Variants in TNS3 observed in about 807,000 individuals in gnomAD.
TNS3 encodes the protein tensin 3, also known as tensin-3.
In TNS3, 45 loss-of-function variants were observed where a neutral mutation model predicts 140.9. That is an observed-to-expected ratio of 0.32 (90% confidence interval 0.25 to 0.41). The LOEUF (loss-of-function observed/expected upper bound fraction) is 0.41, where lower values mean the gene tolerates loss of function less well. Ranked by LOEUF, TNS3 falls within the 10% of genes least tolerant of loss-of-function variation. TNS3 has a pLI of 1.00. For synonymous variants in TNS3, 815 were observed against 788.4 expected, an observed-to-expected ratio of 1.03 and a Z score of -0.56; for missense variants, 1,716 against 1,906.7, an observed-to-expected ratio of 0.90 and a Z score of 1.86.
rs1375554684 is a variant in TNS3, at chr7:47,361,218, A to AAAAAC, written c.2281+7146_2281+7147insGTTTT. ...ACAGTAACCATGCCAAAAAAAAAAA[A>AAAAAC]AAAAAACAAGCAAGGGCCCAGCCCA... On this transcript the variant is annotated intron_variant, in intron 17 of 30. Transcript: ENST00000311160. 1.7e-4 allele frequency among the ~76,000 whole-genome samples: 25 copies of AAAAAC among 147,820 alleles called. 2 individuals are homozygous for AAAAAC. In the South Asian group the frequency reaches 2.2e-3, roughly 13 times the overall value.
At chr7:47,494,388 A>G (rs1797923445) in intron 3 of TNS3, among the ~76,000 whole-genome samples, 1 of 152,248 alleles carries the variant, frequency 6.6e-6, no homozygotes, top group African/African-American at 2.4e-5. Context: ...TTTTAGAAGT[A>G]AAGAAACCTC....
intron 17 of TNS3, among the ~76,000 whole-genome samples, chr7:47,348,262 T>C (rs904600832): frequency 1.3e-5 from 2 of 152,218 alleles, no homozygotes; most frequent in African/African-American, 4.8e-5. Flanking sequence ...GGAAGTGTCA[T>C]GGCCACAGAC....
chr7:47,368,846 C>G lies in TNS3; in HGVS notation c.1800G>C (p.Gln600His), dbSNP rs2293362. The change falls in exon 17 of 31, where the codon CAG (glutamine) becomes CAC (histidine). Residue 600 changes from glutamine to histidine, a missense_variant. Physicochemically the swap from Gln to His is conservative, Grantham distance 24. Transcript: ENST00000311160. ...VRQQQMVVAH[Q>H]YSFAPDGEAR... is the part of the protein sequence containing the mutation. The stretch of plus-strand genomic sequence containing the variant: ...CCTCCCCATCTGGGGCGAAGCTATA[C>G]TGGTGAGCTACAACCATCTGCTGCT... The G allele has an allele frequency of 0.035, 56,549 of 1,613,546 alleles. 1,881 individuals carry two copies. Among genetic ancestry groups the G allele is most frequent in the East Asian group, 0.19 (8,566 of 44,858 alleles).
chr7:47,496,075 G>C (rs576984558), intron 3 of TNS3, among the ~76,000 whole-genome samples: 1 of 152,296 alleles, frequency 6.6e-6, no homozygotes, highest in African/African-American at 2.4e-5. Context: ...CAGAGGTGAA[G>C]AGGCCCTGGA....
intron 20 of TNS3, among the ~76,000 whole-genome samples, chr7:47,340,276 C>A (rs1357633661): frequency 6.6e-6 from 1 of 150,788 alleles, no homozygotes; most frequent in Non-Finnish European, 1.5e-5. Flanking sequence ...GCACGCACTG[C>A]CACGCCCAAC....
chr7:47,484,560 CG>C (rs1797542235), intron 3 of TNS3, among the ~76,000 whole-genome samples: 1 of 152,312 alleles, frequency 6.6e-6, no homozygotes, highest in East Asian at 1.9e-4. Context: ...GACTGTGCGA[CG>C]GTGCTATCAG....
At chr7:47,492,607 T>C (rs1797856209) in intron 3 of TNS3, among the ~76,000 whole-genome samples, 1 of 152,228 alleles carries the variant, frequency 6.6e-6, no homozygotes, top group Non-Finnish European at 1.5e-5. Context: ...ACAAATAAGA[T>C]GTGCTTTTAT....
intron 13 of TNS3, among the ~76,000 whole-genome samples, chr7:47,404,846 T>G (rs779249609): frequency 6.6e-6 from 1 of 152,030 alleles, no homozygotes; most frequent in Non-Finnish European, 1.5e-5. Context: ...ATTGCACCAC[T>G]GTACTCCAGC....
chr7:47,467,369 T>C (rs1333692885), intron 4 of TNS3, among the ~76,000 whole-genome samples: 2 of 152,262 alleles, frequency 1.3e-5, no homozygotes, highest in Admixed American at 6.5e-5. Context: ...TTCTCTACGA[T>C]TGAGTCTCCA....
chr7:47,526,063 C>T (rs544924132), intron 2 of TNS3, among the ~76,000 whole-genome samples: 18 of 152,354 alleles, frequency 1.2e-4, no homozygotes, highest in East Asian at 7.7e-4. Context: ...GACGTGCTTG[C>T]GCGTTTCACA....
At position 47,297,063 on chromosome 7, in the gene TNS3, T is replaced by A; in HGVS notation, c.3676+19A>T. Reference sequence around the variant, plus strand: ...TCTGTGGATGAGCTGAACAGATCAATAGGGAGCAGTAACCTTACCTTTCTT... The same window carrying A: ...TCTGTGGATGAGCTGAACAGATCAAAAGGGAGCAGTAACCTTACCTTTCTT... On this transcript the variant is annotated intron_variant, in intron 24 of 30. Transcript: ENST00000311160. 1 of 1,614,066 alleles carries A rather than the reference T, an allele frequency of 6.2e-7. No individual in the cohort carries two copies. Among genetic ancestry groups the A allele is most frequent in the Non-Finnish European group, 8.5e-7 (1 of 1,180,016 alleles).
chr7:47,318,868 T>C (rs1787564393), intron 20 of TNS3, among the ~76,000 whole-genome samples: 1 of 152,206 alleles, frequency 6.6e-6, no homozygotes, highest in African/African-American at 2.4e-5. Flanking sequence ...TGGTTCCAAG[T>C]CTTTAGTCCG....
intron 1 of TNS3, among the ~76,000 whole-genome samples, chr7:47,560,418 A>C (rs1312824520): frequency 1.3e-5 from 2 of 152,164 alleles, no homozygotes; most frequent in Admixed American, 1.3e-4. Context: ...CTAAGGTATC[A>C]GGTTGTAGCA....
chr7:47,376,200 C>G (rs990472831), intron 16 of TNS3, among the ~76,000 whole-genome samples: 2 of 152,122 alleles, frequency 1.3e-5, no homozygotes, highest in African/African-American at 4.8e-5. Flanking sequence ...CCTTGGGGAA[C>G]AGAGAGAGAA....
chr7:47,372,580 G>T (rs1293712130), intron 16 of TNS3, among the ~76,000 whole-genome samples: 1 of 152,138 alleles, frequency 6.6e-6, no homozygotes, highest in Non-Finnish European at 1.5e-5. Flanking sequence ...TATTTTATTA[G>T]TAGTAGAAAT....
chr7:47,380,766 G>GCACACA lies in TNS3; in HGVS notation c.1025-11146_1025-11145insTGTGTG, dbSNP rs113541286. ...CAGACACACATACACATATGCACGC[G>GCACACA]CGCGCACACACACACACACACAAAT... is the stretch of plus-strand genomic sequence containing the variant. On this transcript the variant is annotated intron_variant, in intron 16 of 30. Coordinates refer to ENST00000311160, the MANE Select transcript of TNS3 (RefSeq NM_022748.12). Among the ~76,000 whole-genome samples, 1,005 of 140,998 alleles carry GCACACA rather than the reference G, an allele frequency of 7.1e-3. 10 individuals are homozygous for GCACACA. The highest frequency in any genetic ancestry group is 0.025 in the African/African-American group (957 of 37,970). 92.5% of individuals were successfully genotyped at this position (140,998 alleles called of 152,430 possible). A position where few individuals can be genotyped will look rare whatever the true frequency, so the allele number is the denominator to read the frequency against.
In TNS3 at chr7:47,537,804, C is replaced by G. The variant is rs77870018; in HGVS notation, c.-264-8657G>C. Among the ~76,000 whole-genome samples, 10 of 152,156 alleles carry G rather than the reference C, an allele frequency of 6.6e-5. No homozygotes were observed. The East Asian group carries it at 1.5e-3, about 24-fold the overall frequency. On this transcript the variant is annotated intron_variant, in intron 1 of 30. Transcript: ENST00000311160. ...GCAGAAAGGCTTTTTTTCTAATTTG[C>G]TTCTTCTACTAAAAAACTAGGAGCC...
At chr7:47,537,614 G>A (rs970706324) in intron 1 of TNS3, among the ~76,000 whole-genome samples, 6 of 152,076 alleles carry the variant, frequency 3.9e-5, no homozygotes, top group Non-Finnish European at 2.9e-5. Flanking sequence ...ACGCTGGCGA[G>A]GTGCTTAAAA....
intron 14 of TNS3, 75 bp downstream of exon 14, chr7:47,400,710 G>A: frequency 6.3e-7 from 1 of 1,581,770 alleles, no homozygotes; most frequent in Non-Finnish European, 8.6e-7. Context: ...GGGTAAAGGG[G>A]ATAGTGAAAG....
Sources: gnomAD v4.1 joint callset for allele counts (sites outside exome capture counted in the v4.1 genomes callset) on GRCh38, gnomAD v4.1.1 for gene constraint, MANE v1.5 for transcripts, NCBI Gene and HGNC (gene_info 2026-07-23, HGNC 2026-07-21) for gene names.